Variants in MSI2 observed in about 807,000 individuals in gnomAD.
MSI2 encodes the protein musashi RNA binding protein 2.
A neutral mutation model predicts 45.6 loss-of-function variants in MSI2; 17 were observed. The ratio of observed to expected loss-of-function variants is 0.37; its 90% CI spans 0.26 to 0.56. The LOEUF (loss-of-function observed/expected upper bound fraction) is 0.56. Ranked by LOEUF, MSI2 falls within the 20% of genes least tolerant of loss-of-function variation. The pLI, the probability that MSI2 is intolerant of heterozygous loss-of-function variation, is 0.77. For missense variants in MSI2, 293 were observed against 444.2 expected (o/e 0.66, Z 3.06); for synonymous variants, 156 against 158.2 (o/e 0.99, Z 0.11).
Position 57,529,202 on chromosome 17 carries a change from G to A in MSI2, c.406-474G>A, listed in dbSNP as rs142571385. 6.2e-4 allele frequency among the ~76,000 whole-genome samples: 94 copies of A among 152,262 alleles called. No individual in the cohort carries two copies. The highest frequency in any genetic ancestry group is 2.2e-3 in the African/African-American group (92 of 41,542). On this transcript the variant is annotated intron_variant, in intron 6 of 13. Transcript: ENST00000284073. The surrounding 1 kb of genome is among the most constrained non-coding windows in gnomAD (Gnocchi z 5.3). ...TATAATCTCAGCGCTTTGAAAGGCTGCTGCAGGAGGATCACTTGAGCCCAG... is the reference window on the plus strand; with the variant it reads ...TATAATCTCAGCGCTTTGAAAGGCTACTGCAGGAGGATCACTTGAGCCCAG...
At chr17:57,597,466 TAAAAAAAA>T (rs35606406) in intron 8 of MSI2, among the ~76,000 whole-genome samples, 5 of 87,134 alleles carry the variant, frequency 5.7e-5, no homozygotes, top group South Asian at 4.3e-4. Flanking sequence ...CCTCATCTCT[TAAAAAAAA>T]AAAAAAAAAA....
chr17:57,414,052 G>T (rs2084247397), intron 6 of MSI2, among the ~76,000 whole-genome samples: 1 of 150,220 alleles, frequency 6.7e-6, no homozygotes, highest in East Asian at 1.9e-4. Flanking sequence ...GTGGGTGGCG[G>T]AGGACCAGCC....
At chr17:57,276,982 T>G (rs1480799571) in intron 5 of MSI2, among the ~76,000 whole-genome samples, 1 of 151,848 alleles carries the variant, frequency 6.6e-6, no homozygotes, top group Non-Finnish European at 1.5e-5. Flanking sequence ...GGAAGGGACC[T>G]GTTCTCCTTG....
intron 7 of MSI2, among the ~76,000 whole-genome samples, chr17:57,537,603 C>T (rs1417112539): frequency 6.6e-6 from 1 of 152,194 alleles, no homozygotes; most frequent in Non-Finnish European, 1.5e-5. Flanking sequence ...CGATCCAAGA[C>T]CTTAATTTTA....
intron 5 of MSI2, among the ~76,000 whole-genome samples, chr17:57,367,047 TTG>T (rs1410480910): frequency 6.6e-6 from 1 of 152,236 alleles, no homozygotes; most frequent in Non-Finnish European, 1.5e-5. Flanking sequence ...CTCTGAACTA[TTG>T]GCTTGTTTTC....
At chr17:57,576,987 A>C (rs188641711) in intron 7 of MSI2, among the ~76,000 whole-genome samples, 176 of 152,278 alleles carry the variant, frequency 1.2e-3, no homozygotes, top group African/African-American at 4.0e-3. Flanking sequence ...GGAATATTCC[A>C]TTCCAGGCAT....
chr17:57,386,603 G>A (rs1360606068), intron 5 of MSI2, among the ~76,000 whole-genome samples: 3 of 152,092 alleles, frequency 2.0e-5, no homozygotes, highest in Non-Finnish European at 4.4e-5. Context: ...CCCTTCTGAA[G>A]CTTCCATTCT....
At chr17:57,618,497 C>G (rs915055189) in intron 9 of MSI2, 1 of 152,220 alleles carries the variant, frequency 6.6e-6, no homozygotes, top group African/African-American at 2.4e-5. Flanking sequence ...ATTGCCTGAG[C>G]CCAGGAATTC....
chr17:57,551,236 A>C lies in MSI2; in HGVS notation c.454+21512A>C, dbSNP rs1247876475. Among the ~76,000 whole-genome samples the C allele has an allele frequency of 2.0e-5, 3 of 152,094 alleles. No homozygotes were observed. In the East Asian group the frequency reaches 5.8e-4, roughly 29 times the overall value. On this transcript the variant is annotated intron_variant, in intron 7 of 13. Coordinates refer to ENST00000284073, the MANE Select transcript of MSI2 (RefSeq NM_138962.4). ...GATAGGGGACAAAAGGAGCAATATTATGTCTCAGACTAAATAAGGTCTCCA... is the reference window on the plus strand; with the variant it reads ...GATAGGGGACAAAAGGAGCAATATTCTGTCTCAGACTAAATAAGGTCTCCA...
intron 7 of MSI2, among the ~76,000 whole-genome samples, chr17:57,592,028 C>T (rs529203348): frequency 5.9e-5 from 9 of 151,732 alleles, no homozygotes; most frequent in Admixed American, 3.9e-4. Flanking sequence ...CAAAATTAGC[C>T]GGGTGCGGTG....
At chr17:57,645,108 A>G (rs1891404333) in intron 10 of MSI2, among the ~76,000 whole-genome samples, 1 of 152,144 alleles carries the variant, frequency 6.6e-6, no homozygotes, top group African/African-American at 2.4e-5. Context: ...CCTCTAAATC[A>G]AGGGTTCTCT....
chr17:57,474,598 G>A (rs1464337995), intron 6 of MSI2, among the ~76,000 whole-genome samples: 1 of 152,160 alleles, frequency 6.6e-6, no homozygotes, highest in Non-Finnish European at 1.5e-5. Context: ...AATTGCCCCT[G>A]GTTGAGAATC....
chr17:57,420,150 G>A (rs1440773916), intron 6 of MSI2, among the ~76,000 whole-genome samples: 3 of 152,160 alleles, frequency 2.0e-5, no homozygotes, highest in African/African-American at 7.2e-5. Flanking sequence ...AAGGAGTCAG[G>A]TTGCACCTCT....
At chr17:57,311,948 T>C (rs1912436970) in intron 5 of MSI2, among the ~76,000 whole-genome samples, 1 of 152,208 alleles carries the variant, frequency 6.6e-6, no homozygotes, top group Non-Finnish European at 1.5e-5. Flanking sequence ...TCCTCTCACC[T>C]TGGACTCCCA....
intron 10 of MSI2, among the ~76,000 whole-genome samples, chr17:57,647,371 C>T (rs1031886068): frequency 2.7e-5 from 4 of 150,850 alleles, no homozygotes; most frequent in East Asian, 2.0e-4. Context: ...ATTGCTTGAA[C>T]CCTGGAGGCG....
intron 5 of MSI2, among the ~76,000 whole-genome samples, chr17:57,369,138 G>A (rs1259406731): frequency 6.6e-6 from 1 of 152,190 alleles, no homozygotes; most frequent in African/African-American, 2.4e-5. Context: ...TACCTCTGGT[G>A]GTGGGAATGA....
intron 6 of MSI2, among the ~76,000 whole-genome samples, chr17:57,487,788 G>A (rs2085784175): frequency 6.6e-6 from 1 of 151,154 alleles, no homozygotes. Context: ...CTTTCCCTTT[G>A]TGAACTCCCA....
At chr17:57,293,129 A>T (rs1397161379) in intron 5 of MSI2, among the ~76,000 whole-genome samples, 1 of 151,432 alleles carries the variant, frequency 6.6e-6, no homozygotes, top group African/African-American at 2.4e-5. Context: ...AAAAAAAGTC[A>T]GTCGACTTGG....
intron 5 of MSI2, among the ~76,000 whole-genome samples, chr17:57,356,976 G>A (rs1009614222): frequency 5.9e-5 from 9 of 152,110 alleles, no homozygotes; most frequent in African/African-American, 1.7e-4. Context: ...ATTTTGGACC[G>A]GTTGAGACGC....
Sources: allele counts gnomAD v4.1 joint callset (sites outside exome capture counted in the v4.1 genomes callset), GRCh38; gene constraint gnomAD v4.1.1; non-coding constraint Gnocchi (gnomAD v3.1); transcripts MANE v1.5; gene names NCBI Gene and HGNC (gene_info 2026-07-23, HGNC 2026-07-21).